PALLD: variants seen among roughly 807,000 people sequenced by gnomAD.
The protein encoded by PALLD is palladin, cytoskeletal associated protein, also known as palladin.
PALLD carries 61 observed loss-of-function variants against 123.5 expected under a neutral mutation model. The ratio of observed to expected loss-of-function variants is 0.49; its 90% CI spans 0.40 to 0.61. The LOEUF is 0.61. PALLD is among the 20% of genes least tolerant of loss of function. The pLI is 0.00. For missense variants in PALLD, 1,273 were observed against 1,377.0 expected (o/e 0.92, Z 1.20); for synonymous variants, 465 against 496.4 (o/e 0.94, Z 0.84).
chr4:168,777,781 G>A (rs1735374182), intron 10 of PALLD, among the ~76,000 whole-genome samples: 4 of 152,140 alleles, frequency 2.6e-5, no homozygotes, highest in South Asian at 4.1e-4. Context: ...CAGGCCTTAG[G>A]TTGGTACAGA....
intron 2 of PALLD, among the ~76,000 whole-genome samples, chr4:168,608,089 C>A (rs774786630): frequency 2.6e-5 from 4 of 152,158 alleles, no homozygotes; most frequent in African/African-American, 9.7e-5. Flanking sequence ...AAAGAAGAGA[C>A]CTTGGTTGGT....
At chr4:168,678,444 A>G (rs962955168) in intron 3 of PALLD, among the ~76,000 whole-genome samples, 5 of 152,198 alleles carry the variant, frequency 3.3e-5, no homozygotes, top group African/African-American at 1.2e-4. Context: ...TGAGTGCTGT[A>G]AACAAGAACG....
rs1784499591 is a variant in PALLD, at chr4:168,709,296, G to A, written c.1621+149G>A. ...AGGCCGAGGCAGGCAGATCACTTGAGGTGAAGAGTTCGAGACCAGCCTGGT... is the reference window on the plus strand; with the variant it reads ...AGGCCGAGGCAGGCAGATCACTTGAAGTGAAGAGTTCGAGACCAGCCTGGT... On this transcript the variant is annotated intron_variant, in intron 9 of 21. Transcript: ENST00000505667. 5 of 787,804 alleles carry A rather than the reference G, an allele frequency of 6.3e-6. No individual in the cohort carries two copies. The South Asian group carries it at 7.3e-5, about 12-fold the overall frequency. 48.8% of individuals were successfully genotyped at this position (787,804 alleles called of 1,614,324 possible).
At chr4:168,600,025 A>G (rs895652098) in intron 2 of PALLD, among the ~76,000 whole-genome samples, 1 of 148,004 alleles carries the variant, frequency 6.8e-6, no homozygotes, top group Non-Finnish European at 1.5e-5. Context: ...ATGTGTGTAC[A>G]CACACATACA....
At chr4:168,632,821 G>C (rs1429297669) in intron 2 of PALLD, among the ~76,000 whole-genome samples, 1 of 152,202 alleles carries the variant, frequency 6.6e-6, no homozygotes, top group Non-Finnish European at 1.5e-5. Flanking sequence ...CTTTTACAGA[G>C]AGAGTTCCCC....
At chr4:168,818,756 C>T (rs901953375) in intron 10 of PALLD, among the ~76,000 whole-genome samples, 1 of 152,070 alleles carries the variant, frequency 6.6e-6, no homozygotes, top group Admixed American at 6.6e-5. Flanking sequence ...GTCAAATACA[C>T]AGAATATTCT....
intron 10 of PALLD, among the ~76,000 whole-genome samples, chr4:168,724,062 T>G (rs1786299009): frequency 6.6e-6 from 1 of 152,072 alleles, no homozygotes; most frequent in South Asian, 2.1e-4. Context: ...CCAGCTAATT[T>G]TTTTGTATTT....
chr4:168,924,889 G>A, intron 19 of PALLD, 56 bp from the exon 20 acceptor site: 1 of 1,591,056 alleles, frequency 6.3e-7, no homozygotes, highest in Non-Finnish European at 8.6e-7. Context: ...GATGCTTCAT[G>A]TCCAAAGCCA....
chr4:168,595,715 G>A (rs550379372), intron 2 of PALLD, among the ~76,000 whole-genome samples: 1 of 152,218 alleles, frequency 6.6e-6, no homozygotes, highest in African/African-American at 2.4e-5. Context: ...TCAGTCGTGA[G>A]AGTGCAGGAC....
chr4:168,506,009 A>T (rs1175146849), intron 1 of PALLD: 1 of 152,206 alleles, frequency 6.6e-6, no homozygotes, highest in African/African-American at 2.4e-5. Flanking sequence ...CCAACCCAGC[A>T]TATATGTCAA....
At chr4:168,904,981 G>C (rs984820355) in intron 15 of PALLD, among the ~76,000 whole-genome samples, 1 of 151,752 alleles carries the variant, frequency 6.6e-6, no homozygotes, top group African/African-American at 2.4e-5. Flanking sequence ...ACAAAAATTA[G>C]CCAGGTGTGG....
chr4:168,819,605 C>A (rs960415942), intron 10 of PALLD, among the ~76,000 whole-genome samples: 1 of 152,222 alleles, frequency 6.6e-6, no homozygotes, highest in South Asian at 2.1e-4. Context: ...TTTTGGTGAC[C>A]CCGCTACTGC....
chr4:168,745,077 A>G (rs1730084818), intron 10 of PALLD, among the ~76,000 whole-genome samples: 1 of 152,226 alleles, frequency 6.6e-6, no homozygotes, highest in Non-Finnish European at 1.5e-5. Context: ...ATGACCTTGA[A>G]TAAGTCACTT....
chr4:168,902,900 T>C (rs1756848834), intron 14 of PALLD, among the ~76,000 whole-genome samples: 2 of 152,198 alleles, frequency 1.3e-5, no homozygotes, highest in Middle Eastern at 3.4e-3. Flanking sequence ...GCCTTCCAAA[T>C]AGCTAGGGCT....
intron 8 of PALLD, among the ~76,000 whole-genome samples, chr4:168,701,966 A>G (rs17054487): frequency 0.16 from 24,036 of 152,230 alleles, 2,592 homozygotes; most frequent in East Asian, 0.33. Context: ...GCATGTCCAC[A>G]TTACAAGCTT....
intron 17 of PALLD, among the ~76,000 whole-genome samples, chr4:168,920,401 T>C (rs1452145790): frequency 1.3e-5 from 2 of 152,224 alleles, no homozygotes; most frequent in Non-Finnish European, 2.9e-5. Flanking sequence ...GGAATGGAAT[T>C]TGTGAGTCCT....
At chr4:168,827,019 T>C (rs1341443593) in intron 10 of PALLD, among the ~76,000 whole-genome samples, 1 of 152,206 alleles carries the variant, frequency 6.6e-6, no homozygotes, top group Non-Finnish European at 1.5e-5. Context: ...CTGTTTTTTG[T>C]TTATCGTAGC....
At chr4:168,566,550 A>T (rs1327511888) in intron 2 of PALLD, among the ~76,000 whole-genome samples, 2 of 152,154 alleles carry the variant, frequency 1.3e-5, no homozygotes, top group East Asian at 3.9e-4. Flanking sequence ...CTCCTACCCC[A>T]GCCTCTGAAA....
At chr4:168,609,043 C>G (rs1773473245) in intron 2 of PALLD, among the ~76,000 whole-genome samples, 1 of 152,054 alleles carries the variant, frequency 6.6e-6, no homozygotes, top group South Asian at 2.1e-4. Context: ...AGCATTACCT[C>G]TCCATAAAAT....
Sources: gnomAD v4.1 joint callset for allele counts (sites outside exome capture counted in the v4.1 genomes callset) on GRCh38, gnomAD v4.1.1 for gene constraint, MANE v1.5 for transcripts, NCBI Gene and HGNC (gene_info 2026-07-23, HGNC 2026-07-21) for gene names.